GPC3: variants seen among roughly 807,000 people sequenced by gnomAD.
GPC3 encodes the protein glypican 3, also known as glypican-3.
GPC3 carries 3 observed loss-of-function variants against 34.4 expected under a neutral mutation model. The ratio of observed to expected loss-of-function variants is 0.09; its 90% CI spans 0.04 to 0.23. The LOEUF is 0.23. GPC3 is among the 10% of genes least tolerant of loss of function. The probability of loss-of-function intolerance (pLI) is 1.00; values close to 1 mark genes in which losing one functional copy is unlikely to be tolerated. For missense variants in GPC3, 351 were observed against 445.6 expected (o/e 0.79, Z 1.91); for synonymous variants, 177 against 174.0 (o/e 1.02, Z -0.13).
chrX:133,968,819 G>A (rs1489484075), intron 1 of GPC3, among the ~76,000 whole-genome samples: 4 of 108,725 alleles, frequency 3.7e-5, no homozygotes, highest in Admixed American at 1.0e-4. Flanking sequence ...TTTAAGAAGA[G>A]AAAAAGGATA....
At chrX:133,563,413 T>G (rs2069555995) in intron 7 of GPC3, among the ~76,000 whole-genome samples, 1 of 111,954 alleles carries the variant, frequency 8.9e-6, no homozygotes, top group Admixed American at 9.5e-5. Context: ...GCAGTTCAAC[T>G]GACTTGTGTC....
intron 5 of GPC3, among the ~76,000 whole-genome samples, chrX:133,668,813 G>A (rs984715536): frequency 8.1e-5 from 9 of 111,598 alleles, no homozygotes; most frequent in Non-Finnish European, 1.7e-4. Context: ...AGCTGTGTGG[G>A]TTCCATCTCC....
chrX:133,547,505 C>T (rs899026226), intron 7 of GPC3, among the ~76,000 whole-genome samples: 2 of 111,116 alleles, frequency 1.8e-5, no homozygotes, highest in East Asian at 2.8e-4. Flanking sequence ...CTCGTCTGTG[C>T]TTTGAAAGTC....
At position 133,688,555 on chromosome X, in the gene GPC3, A is replaced by G. The variant is rs185629318; in HGVS notation, c.1292+3814T>C. Among the ~76,000 whole-genome samples, 185 of 112,172 alleles carry G rather than the reference A, an allele frequency of 1.6e-3. 1 individual carries two copies. Among genetic ancestry groups the G allele is most frequent in the Middle Eastern group, 9.2e-3 (2 of 218 alleles). ...CCATAGTAGGCTACAAACAGCTCTA[A>G]TAACCCAACTGACATGAATATTGCT... On this transcript the variant is annotated intron_variant, in intron 5 of 7. Transcript: ENST00000370818.
At chrX:133,833,593 G>C (rs937570685) in intron 2 of GPC3, among the ~76,000 whole-genome samples, 2 of 111,394 alleles carry the variant, frequency 1.8e-5, no homozygotes, top group African/African-American at 6.5e-5. Flanking sequence ...AGTATGGGAG[G>C]GAGATCCCAG....
At chrX:133,554,297 C>T (rs931263897) in intron 7 of GPC3, among the ~76,000 whole-genome samples, 3 of 108,231 alleles carry the variant, frequency 2.8e-5, no homozygotes, top group Admixed American at 9.9e-5. Flanking sequence ...CAGGTGTGAG[C>T]CACTGTATCT....
chrX:133,654,971 T>C (rs1406255585), intron 6 of GPC3, among the ~76,000 whole-genome samples: 1 of 111,607 alleles, frequency 9.0e-6, no homozygotes, highest in Admixed American at 9.6e-5. Context: ...TTTCCCTCCA[T>C]TGCTCAATCA....
At chrX:133,814,731 C>T (rs1267963203) in intron 2 of GPC3, among the ~76,000 whole-genome samples, 1 of 110,346 alleles carries the variant, frequency 9.1e-6, no homozygotes, top group African/African-American at 3.3e-5. Flanking sequence ...CCACGCCCAG[C>T]TAATTTTTGT....
At chrX:133,543,423 A>G (rs2069358658) in intron 7 of GPC3, among the ~76,000 whole-genome samples, 1 of 112,194 alleles carries the variant, frequency 8.9e-6, no homozygotes, top group Admixed American at 9.4e-5. Context: ...CTGGCCCACA[A>G]TCTGCCTTTC....
intron 2 of GPC3, among the ~76,000 whole-genome samples, chrX:133,920,361 G>T (rs1341473668): frequency 1.8e-5 from 2 of 111,141 alleles, no homozygotes; most frequent in South Asian, 3.8e-4. Context: ...TAAGCATCAA[G>T]ATCTTTTTAA....
At chrX:133,984,419 T>C (rs1040696995) in intron 1 of GPC3, among the ~76,000 whole-genome samples, 4 of 112,739 alleles carry the variant, frequency 3.5e-5, no homozygotes, top group African/African-American at 1.3e-4. Context: ...TATTCATCTG[T>C]TGACAGCGGC....
chrX:133,676,054 G>A (rs1479321758), intron 5 of GPC3, among the ~76,000 whole-genome samples: 1 of 112,197 alleles, frequency 8.9e-6, no homozygotes, highest in Non-Finnish European at 1.9e-5. Context: ...TTGAGAGTGT[G>A]TAGCCATATT....
intron 2 of GPC3, among the ~76,000 whole-genome samples, chrX:133,862,210 C>T (rs2075940208): frequency 9.0e-6 from 1 of 110,621 alleles, no homozygotes; most frequent in African/African-American, 3.3e-5. Context: ...ATTTACCAGG[C>T]TCCTCCCACT....
intron 5 of GPC3, among the ~76,000 whole-genome samples, chrX:133,672,525 G>A (rs1569410937): frequency 8.9e-6 from 1 of 112,084 alleles, no homozygotes; most frequent in Non-Finnish European, 1.9e-5. Context: ...GAGTGTGGTA[G>A]AGACTTCTTA....
At chrX:133,705,949 T>A (rs2071212218) in intron 3 of GPC3, among the ~76,000 whole-genome samples, 1 of 111,935 alleles carries the variant, frequency 8.9e-6, no homozygotes, top group East Asian at 2.8e-4. Context: ...AAAAGGAGGC[T>A]CCCAAGTAGG....
intron 2 of GPC3, among the ~76,000 whole-genome samples, chrX:133,875,255 G>A (rs1260381819): frequency 2.7e-5 from 3 of 111,999 alleles, no homozygotes; most frequent in Non-Finnish European, 5.6e-5. Context: ...GACGAAAGAG[G>A]AGGCAGTTTA....
intron 4 of GPC3, among the ~76,000 whole-genome samples, chrX:133,697,768 G>A (rs935127368): frequency 1.6e-4 from 18 of 112,356 alleles, no homozygotes; most frequent in Non-Finnish European, 1.7e-4. Context: ...TCCAGAACTC[G>A]TTGATTCACT....
chrX:133,686,989 G>A (rs1008969300), intron 5 of GPC3, among the ~76,000 whole-genome samples: 1 of 108,534 alleles, frequency 9.2e-6, no homozygotes, highest in Non-Finnish European at 1.9e-5. Flanking sequence ...GCAGTGGTGC[G>A]ATCTCGGCTC....
chrX:133,985,191 G>A, intron 1 of GPC3, 84 bp downstream of exon 1: 2 of 1,048,692 alleles, frequency 1.9e-6, no homozygotes, highest in Non-Finnish European at 2.6e-6. Flanking sequence ...ACAGCCCGGC[G>A]GGGCTAGCGC....
Sources: gnomAD v4.1 joint callset for allele counts (sites outside exome capture counted in the v4.1 genomes callset) on GRCh38, gnomAD v4.1.1 for gene constraint, MANE v1.5 for transcripts, NCBI Gene and HGNC (gene_info 2026-07-23, HGNC 2026-07-21) for gene names.